The following TNS3 variants were observed in gnomAD, a reference collection of about 807,000 sequenced individuals.
The protein encoded by TNS3 is tensin-3.
In TNS3, 45 loss-of-function variants were observed where a neutral mutation model predicts 140.9. That is an observed-to-expected ratio of 0.32 (90% CI 0.25 to 0.41). TNS3 has a LOEUF of 0.41. Among genes scored for constraint, TNS3 ranks in the 10% least tolerant of loss-of-function variants. The pLI is 1.00. For synonymous variants in TNS3, 815 were observed against 788.4 expected, an observed-to-expected ratio of 1.03 and a Z score of -0.56; for missense variants, 1,716 against 1,906.7, an observed-to-expected ratio of 0.90 and a Z score of 1.86.
intron 17 of TNS3, among the ~76,000 whole-genome samples, chr7:47,355,433 C>T (rs944916327): frequency 2.6e-5 from 4 of 152,086 alleles, no homozygotes; most frequent in Non-Finnish European, 5.9e-5. Context: ...CACCCAGGGG[C>T]CTCGTGAGAA....
intron 16 of TNS3, among the ~76,000 whole-genome samples, chr7:47,394,703 C>T (rs924044777): frequency 2.0e-5 from 3 of 152,220 alleles, no homozygotes; most frequent in Admixed American, 6.5e-5. Flanking sequence ...ACAGATTCTC[C>T]GTAAAGTTTC....
At chr7:47,341,215 T>C (rs1198935314) in intron 20 of TNS3, among the ~76,000 whole-genome samples, 2 of 152,332 alleles carry the variant, frequency 1.3e-5, no homozygotes, top group Admixed American at 1.3e-4. Context: ...TTTTCTGTTC[T>C]TTTTGCCTGG....
At chr7:47,408,363 G>A (rs534165435) in intron 13 of TNS3, among the ~76,000 whole-genome samples, 5 of 152,168 alleles carry the variant, frequency 3.3e-5, no homozygotes, top group Admixed American at 1.3e-4. Flanking sequence ...CTACAACAGA[G>A]ATGCATGTAA....
In TNS3 at chr7:47,400,886, G is replaced by C; in HGVS notation, c.752C>G (p.Ser251Trp). The change falls in exon 14 of 31, where the codon TCG (serine) becomes TGG (tryptophan). Residue 251 changes from serine to tryptophan, a missense_variant. Ser to Trp is a radical substitution (Grantham distance 177, BLOSUM62 -3). This residue lies in a region of TNS3 where 337 missense variants were observed against 428.9 expected (regional missense o/e 0.79). Transcript: ENST00000311160. ...GCGGAAAATGACGTCACGGGTGGCC[G>C]AGCGGTATTTCTTGTGGTAGCATTT... ...MVKCYHKKYR[S>W]ATRDVIFRLQ... 1 of 1,614,210 alleles carries C rather than the reference G, an allele frequency of 6.2e-7. No individual in the cohort carries two copies. Among genetic ancestry groups the C allele is most frequent in the Non-Finnish European group, 8.5e-7 (1 of 1,180,036 alleles).
At chr7:47,411,914 C>A in intron 12 of TNS3, 112 bp from the exon 13 acceptor site, 1 of 922,118 alleles carries the variant, frequency 1.1e-6, no homozygotes. Context: ...ACACAGAATG[C>A]CCAATCAGCC....
At chr7:47,572,534 T>C (rs527868523) in intron 1 of TNS3, among the ~76,000 whole-genome samples, 1 of 151,990 alleles carries the variant, frequency 6.6e-6, no homozygotes, top group Non-Finnish European at 1.5e-5. Context: ...CTCGATGACC[T>C]ATGTTTTGGA....
intron 12 of TNS3, 44 bp downstream of exon 12, chr7:47,413,893 C>T (rs1271461557): frequency 6.8e-6 from 11 of 1,610,462 alleles, no homozygotes; most frequent in South Asian, 2.2e-5. Context: ...TTCCCTGAGC[C>T]GTCCAGGTCC....
chr7:47,517,354 A>G (rs1562822771), intron 2 of TNS3, among the ~76,000 whole-genome samples: 1 of 152,164 alleles, frequency 6.6e-6, no homozygotes, highest in Non-Finnish European at 1.5e-5. Context: ...AACCTAGAGG[A>G]AAGGTGTCAT....
intron 20 of TNS3, among the ~76,000 whole-genome samples, chr7:47,326,098 G>T (rs1263373042): frequency 6.6e-6 from 1 of 152,160 alleles, no homozygotes; most frequent in Non-Finnish European, 1.5e-5. Flanking sequence ...TGGGACTGTT[G>T]TAAAATCCTG....
chr7:47,564,009 C>T (rs1303188436), intron 1 of TNS3, among the ~76,000 whole-genome samples: 1 of 149,552 alleles, frequency 6.7e-6, no homozygotes, highest in Non-Finnish European at 1.5e-5. Context: ...CTGGCTAACA[C>T]AGTGAAACCC....
chr7:47,467,632 T>C (rs1002376236), intron 4 of TNS3, among the ~76,000 whole-genome samples: 5 of 152,038 alleles, frequency 3.3e-5, no homozygotes, highest in Non-Finnish European at 4.4e-5. Flanking sequence ...ATGAGTGAAG[T>C]TTCTGCCCAA....
At chr7:47,506,740 C>T (rs1298516577) in intron 3 of TNS3, among the ~76,000 whole-genome samples, 167 bp downstream of exon 3, 1 of 152,150 alleles carries the variant, frequency 6.6e-6, no homozygotes, top group Non-Finnish European at 1.5e-5. Flanking sequence ...TTTCAAAGCT[C>T]TTTGGTTTAT....
chr7:47,513,062 T>C (rs1798664184), intron 2 of TNS3, among the ~76,000 whole-genome samples: 1 of 152,234 alleles, frequency 6.6e-6, no homozygotes, highest in Non-Finnish European at 1.5e-5. Context: ...TCATTAGAAA[T>C]TGGCAAAAGT....
At chr7:47,332,487 G>A (rs1788397216) in intron 20 of TNS3, among the ~76,000 whole-genome samples, 1 of 152,180 alleles carries the variant, frequency 6.6e-6, no homozygotes, top group South Asian at 2.1e-4. Flanking sequence ...GTGGATTCCG[G>A]ATTCCACACC....
chr7:47,528,434 A>C (rs1799277890), intron 2 of TNS3, among the ~76,000 whole-genome samples: 1 of 152,086 alleles, frequency 6.6e-6, no homozygotes, highest in Non-Finnish European at 1.5e-5. Context: ...CTCTCCAAGG[A>C]CCTGGTCCTC....
chr7:47,352,750 C>T (rs1789762907), intron 17 of TNS3, among the ~76,000 whole-genome samples: 1 of 152,206 alleles, frequency 6.6e-6, no homozygotes, highest in South Asian at 2.1e-4. Context: ...GCTGCCCCTC[C>T]ACTCAAGGCC....
At chr7:47,502,808 T>C (rs1212384686) in intron 3 of TNS3, among the ~76,000 whole-genome samples, 4 of 152,190 alleles carry the variant, frequency 2.6e-5, no homozygotes, top group Non-Finnish European at 5.9e-5. Context: ...GGGACCTCTC[T>C]CCTCTTGCTG....
intron 17 of TNS3, among the ~76,000 whole-genome samples, chr7:47,365,532 G>T (rs946579920): frequency 3.9e-5 from 6 of 152,104 alleles, no homozygotes; most frequent in Non-Finnish European, 7.3e-5. Context: ...GGGAAGCCGA[G>T]GGGGGCGGAT....
At chr7:47,463,324 A>G (rs570066495) in intron 4 of TNS3, among the ~76,000 whole-genome samples, 2 of 152,300 alleles carry the variant, frequency 1.3e-5, no homozygotes, top group East Asian at 3.9e-4. Flanking sequence ...CATGCCTGTA[A>G]TCCCAGTTAC....
Sources: allele counts gnomAD v4.1 joint callset (sites outside exome capture counted in the v4.1 genomes callset), GRCh38; gene constraint gnomAD v4.1.1; regional missense constraint gnomAD v4.1.1; transcripts MANE v1.5; gene names NCBI Gene and HGNC (gene_info 2026-07-23, HGNC 2026-07-21).